The following ACACA variants were observed in gnomAD, a reference collection of about 807,000 sequenced individuals.
ACACA encodes acetyl-CoA carboxylase 1.
In ACACA, 103 loss-of-function variants were observed where a neutral mutation model predicts 296.1. That is an observed-to-expected ratio of 0.35 (90% CI 0.30 to 0.41). The LOEUF is 0.41. Among genes scored for constraint, ACACA ranks in the 10% least tolerant of loss-of-function variants. ACACA has a pLI of 1.00. For synonymous variants in ACACA, 953 were observed against 1,038.6 expected, an observed-to-expected ratio of 0.92 and a Z score of 1.58; for missense variants, 1,554 against 2,989.7, an observed-to-expected ratio of 0.52 and a Z score of 11.20.
intron 52 of ACACA, among the ~76,000 whole-genome samples, chr17:37,099,414 C>T (rs1458694548): frequency 6.6e-6 from 1 of 151,734 alleles, no homozygotes; most frequent in African/African-American, 2.4e-5. Flanking sequence ...ACACAAAGGC[C>T]CATTGCATTC....
At chr17:37,285,479 T>G (rs944234703) in intron 3 of ACACA, among the ~76,000 whole-genome samples, 1 of 152,126 alleles carries the variant, frequency 6.6e-6, no homozygotes, top group African/African-American at 2.4e-5. Flanking sequence ...ATGCCATATT[T>G]AATCAGTTTT....
Position 37,339,805 on chromosome 17 carries a change from T to C in ACACA, c.84A>G (p.Arg28=). Residue 28 remains arginine, a splice_region_variant and synonymous_variant, in exon 2 of 56, where the codon AGA becomes AGG. Coordinates refer to ENST00000616317, the MANE Select transcript of ACACA (RefSeq NM_198834.3). Reference sequence around the variant, plus strand: ...CAAGGAGTATTATTTGTAACTGACCTCTTATAATTCTTACTGTCTGAGTAG... The same window carrying C: ...CAAGGAGTATTATTTGTAACTGACCCCTTATAATTCTTACTGTCTGAGTAG... ...WISTQTVRII[R]AVRAHFGGIM... The C allele has an allele frequency of 7.3e-7, 1 of 1,370,246 alleles. No homozygotes were observed. The highest frequency in any genetic ancestry group is 1.0e-6 in the Non-Finnish European group (1 of 964,652). The allele number at this position is 1,370,246 out of a possible 1,614,324, so 84.9% of individuals were successfully genotyped here.
chr17:37,098,846 A>G (rs906316119), intron 52 of ACACA, among the ~76,000 whole-genome samples: 1 of 152,210 alleles, frequency 6.6e-6, no homozygotes, highest in Non-Finnish European at 1.5e-5. Context: ...CCCCCAATCA[A>G]TAGTGTCCCA....
At chr17:37,390,312 A>ATG (rs1568096142) in intron 1 of ACACA, among the ~76,000 whole-genome samples, 2 of 42,908 alleles carry the variant, frequency 4.7e-5, no homozygotes, top group Non-Finnish European at 7.0e-5. Context: ...AATTATATAT[A>ATG]TATATATATA....
intron 1 of ACACA, among the ~76,000 whole-genome samples, chr17:37,397,201 A>T (rs996861342): frequency 6.6e-6 from 1 of 152,152 alleles, no homozygotes; most frequent in Non-Finnish European, 1.5e-5. Context: ...CCATGTCCCT[A>T]CAAAGGACAT....
chr17:37,191,538 T>C (rs1330965447), intron 37 of ACACA, among the ~76,000 whole-genome samples: 1 of 152,188 alleles, frequency 6.6e-6, no homozygotes, highest in East Asian at 1.9e-4. Flanking sequence ...GGCATCCCCA[T>C]AGCTGTAAGT....
At chr17:37,152,618 T>A (rs2144180990) in intron 43 of ACACA, among the ~76,000 whole-genome samples, 1 of 151,942 alleles carries the variant, frequency 6.6e-6, no homozygotes, top group African/African-American at 2.4e-5. Context: ...CTAGTGGGAG[T>A]CACTCATCTG....
At chr17:37,136,243 C>T (rs968546794) in intron 45 of ACACA, among the ~76,000 whole-genome samples, 7 of 152,064 alleles carry the variant, frequency 4.6e-5, no homozygotes, top group Non-Finnish European at 8.8e-5. Context: ...CCCCTAACAA[C>T]CATTGATCTT....
At position 37,141,780 on chromosome 17, in the gene ACACA, C is replaced by T. The variant is rs146141512; in HGVS notation, c.5679+8084G>A. On this transcript the variant is annotated intron_variant, in intron 45 of 55. Transcript: ENST00000616317. ...AATCTTGGCTCGCTGCCACCTCTGC[C>T]TCCCAGGTTCAAGTGATTCTCCTGC... Among the ~76,000 whole-genome samples the T allele has an allele frequency of 3.2e-4, 48 of 152,146 alleles. No individual in the cohort carries two copies. In the East Asian group the frequency reaches 6.8e-3, roughly 21 times the overall value.
At chr17:37,244,538 G>A (rs765738446) in intron 21 of ACACA, 50 bp downstream of exon 21, 3 of 1,601,764 alleles carry the variant, frequency 1.9e-6, no homozygotes, top group Non-Finnish European at 2.6e-6. Context: ...CTATTTTGGA[G>A]AATAGGTATC....
chr17:37,208,546 G>A (rs2078611342), intron 30 of ACACA, among the ~76,000 whole-genome samples: 1 of 152,040 alleles, frequency 6.6e-6, no homozygotes, highest in Non-Finnish European at 1.5e-5. Context: ...AATCTCCATT[G>A]AAAGCCCTTA....
At chr17:37,110,225 GA>G (rs1024973273) in intron 52 of ACACA, among the ~76,000 whole-genome samples, 1 of 152,272 alleles carries the variant, frequency 6.6e-6, no homozygotes, top group Non-Finnish European at 1.5e-5. Context: ...GAGCAATTAT[GA>G]GCCATCTAAG....
At chr17:37,228,626 G>A (rs565318627) in intron 25 of ACACA, among the ~76,000 whole-genome samples, 1 of 152,162 alleles carries the variant, frequency 6.6e-6, no homozygotes, top group Admixed American at 6.5e-5. Context: ...ACAGATAACA[G>A]TAGGTAGGGA....
chr17:37,109,991 T>C (rs1189160813), intron 52 of ACACA, among the ~76,000 whole-genome samples: 1 of 149,850 alleles, frequency 6.7e-6, no homozygotes, highest in Non-Finnish European at 1.5e-5. Flanking sequence ...GCAAATGGAG[T>C]GCGCGAAATA....
At chr17:37,267,514 T>C (rs1165110425) in intron 10 of ACACA, among the ~76,000 whole-genome samples, 1 of 152,220 alleles carries the variant, frequency 6.6e-6, no homozygotes, top group Non-Finnish European at 1.5e-5. Flanking sequence ...TCCTTTTGTC[T>C]TTCTTCATGC....
At chr17:37,275,426 G>T (rs1054291301) in intron 8 of ACACA, among the ~76,000 whole-genome samples, 1 of 148,800 alleles carries the variant, frequency 6.7e-6, no homozygotes, top group Non-Finnish European at 1.5e-5. Flanking sequence ...AACCCGGAAG[G>T]TGGAGGATGC....
At chr17:37,243,248 A>G (rs570991603) in intron 22 of ACACA, 123 bp downstream of exon 22, 2 of 1,028,542 alleles carry the variant, frequency 1.9e-6, no homozygotes, top group Non-Finnish European at 3.0e-6. Flanking sequence ...TGAGGAATAC[A>G]ATGCTTAAAA....
At chr17:37,183,400 C>T (rs1466301332) in intron 39 of ACACA, among the ~76,000 whole-genome samples, 1 of 151,462 alleles carries the variant, frequency 6.6e-6, no homozygotes, top group African/African-American at 2.4e-5. Context: ...ACGTATTTAC[C>T]CAAAGGAAAT....
rs527925148 is a variant in ACACA at position 37,376,222 on chromosome 17, C to T, written c.38+30040G>A. The T allele has an allele frequency of 1.0e-4, 135 of 1,287,228 alleles. 2 individuals are homozygous for T. In the South Asian group the frequency reaches 1.5e-3, roughly 15 times the overall value. 79.7% of individuals were successfully genotyped at this position (1,287,228 alleles called of 1,614,324 possible). A position where few individuals can be genotyped will look rare whatever the true frequency, so the allele number is the denominator to read the frequency against. On this transcript the variant is annotated intron_variant, in intron 1 of 55. Transcript: ENST00000616317. ...CTAGAAAGAGTTTCGGGGTCTCTTC[C>T]ACCAGATAGAGATGTAGCTGATATC...
Sources: gnomAD v4.1 joint callset for allele counts (sites outside exome capture counted in the v4.1 genomes callset) on GRCh38, gnomAD v4.1.1 for gene constraint, MANE v1.5 for transcripts, NCBI Gene and HGNC (gene_info 2026-07-23, HGNC 2026-07-21) for gene names.